Variants in CLSTN2 observed in about 807,000 individuals in gnomAD.
CLSTN2 encodes calsyntenin-2.
A neutral mutation model predicts 101.2 loss-of-function variants in CLSTN2; 48 were observed. That is an observed-to-expected ratio of 0.47 (90% confidence interval 0.38 to 0.60). The LOEUF is 0.60. Ranked by LOEUF, CLSTN2 falls within the 20% of genes least tolerant of loss-of-function variation. CLSTN2 has a pLI of 0.00. For missense variants in CLSTN2, 1,160 were observed against 1,238.2 expected (o/e 0.94, Z 0.95); for synonymous variants, 481 against 463.6 (o/e 1.04, Z -0.48).
intron 2 of CLSTN2, among the ~76,000 whole-genome samples, chr3:140,231,719 A>G (rs954766317): frequency 6.6e-6 from 1 of 152,194 alleles, no homozygotes; most frequent in African/African-American, 2.4e-5. Flanking sequence ...GGACTCTAAG[A>G]TCCATTTGAG....
At chr3:140,122,210 A>C (rs1191348766) in intron 1 of CLSTN2, among the ~76,000 whole-genome samples, 1 of 152,192 alleles carries the variant, frequency 6.6e-6, no homozygotes, top group Non-Finnish European at 1.5e-5. Context: ...AGCTTTCAGC[A>C]TGCTTTTTGC....
intron 1 of CLSTN2, among the ~76,000 whole-genome samples, chr3:140,099,621 C>T (rs539188291): frequency 6.6e-6 from 1 of 152,302 alleles, no homozygotes; most frequent in Admixed American, 6.5e-5. Flanking sequence ...TTCCAAACTG[C>T]TGCTACTTTC....
At chr3:140,262,637 T>TGGTG (rs1274883150) in intron 2 of CLSTN2, among the ~76,000 whole-genome samples, 1 of 152,092 alleles carries the variant, frequency 6.6e-6, no homozygotes, top group Non-Finnish European at 1.5e-5. Flanking sequence ...TTTCAGGTGA[T>TGGTG]GGTGCAATAA....
intron 2 of CLSTN2, among the ~76,000 whole-genome samples, chr3:140,346,507 T>C (rs1481079015): frequency 6.6e-6 from 1 of 152,174 alleles, no homozygotes; most frequent in Non-Finnish European, 1.5e-5. Context: ...CAGGCAGTGT[T>C]CCCAGCAGTG....
chr3:139,985,106 T>C (rs980896849), intron 1 of CLSTN2, among the ~76,000 whole-genome samples: 18 of 152,196 alleles, frequency 1.2e-4, no homozygotes, highest in African/African-American at 4.1e-4. Context: ...ACCTGTTACA[T>C]GGTCTCCTGC....
intron 2 of CLSTN2, among the ~76,000 whole-genome samples, chr3:140,228,291 G>A (rs918544741): frequency 2.0e-5 from 3 of 152,112 alleles, no homozygotes; most frequent in African/African-American, 7.2e-5. Context: ...TCTAGGGCAG[G>A]GGCAAAATGA....
At chr3:140,541,268 T>C (rs1453878482) in intron 9 of CLSTN2, among the ~76,000 whole-genome samples, 2 of 152,248 alleles carry the variant, frequency 1.3e-5, no homozygotes, top group Non-Finnish European at 2.9e-5. Context: ...AAGTTTTAAG[T>C]GTGGCAGATA....
chr3:140,336,123 G>A (rs1460023062), intron 2 of CLSTN2, among the ~76,000 whole-genome samples: 3 of 152,194 alleles, frequency 2.0e-5, no homozygotes, highest in African/African-American at 7.2e-5. Context: ...GCAGTTATTT[G>A]TGGGTCACAT....
intron 5 of CLSTN2, among the ~76,000 whole-genome samples, chr3:140,427,219 A>ATC (rs2088579998): frequency 1.1e-5 from 1 of 90,106 alleles, no homozygotes; most frequent in Non-Finnish European, 1.9e-5. Flanking sequence ...ATATATATAT[A>ATC]TATATGTGTG....
chr3:140,180,266 T>C (rs1428291436), intron 2 of CLSTN2, among the ~76,000 whole-genome samples: 2 of 152,290 alleles, frequency 1.3e-5, no homozygotes, highest in African/African-American at 2.4e-5. Flanking sequence ...TAGCCTGGGG[T>C]TGAATCTAGA....
At chr3:140,304,186 C>G (rs2087088911) in intron 2 of CLSTN2, among the ~76,000 whole-genome samples, 2 of 152,270 alleles carry the variant, frequency 1.3e-5, no homozygotes, top group South Asian at 4.1e-4. Flanking sequence ...ATAACTGTGG[C>G]TAACCTAAAA....
Position 140,573,995 on chromosome 3 carries a change from T to A in CLSTN2, c.*7742T>A, listed in dbSNP as rs1390918761. 2 of 152,178 alleles carry A rather than the reference T, an allele frequency of 1.3e-5. No homozygotes were observed. The highest frequency in any genetic ancestry group is 4.8e-5 in the African/African-American group (2 of 41,438). The allele number at this position is 152,178 out of a possible 1,614,324, so 9.4% of individuals were successfully genotyped here. A position where few individuals can be genotyped will look rare whatever the true frequency, so the allele number is the denominator to read the frequency against. ...GAGACTAGTATAGATCTCCAACTAT[T>A]GCTGCCTCTGCTGATATGGCCACCT... On this transcript the variant is annotated 3_prime_UTR_variant, in exon 17 of 17. Coordinates refer to ENST00000458420, the MANE Select transcript of CLSTN2 (RefSeq NM_022131.3).
intron 2 of CLSTN2, among the ~76,000 whole-genome samples, chr3:140,234,485 C>G (rs753953833): frequency 1.3e-5 from 2 of 152,160 alleles, no homozygotes; most frequent in Non-Finnish European, 2.9e-5. Flanking sequence ...AAAGTAACAT[C>G]TAGCTACCAA....
Position 140,097,554 on chromosome 3 carries a change from A to G in CLSTN2, c.110-78397A>G, listed in dbSNP as rs535277085. ...TGAAACATTAGGTAAAAATCACACA[A>G]ATCATTCAAATGCATACATAGTTGT... On this transcript the variant is annotated intron_variant, in intron 1 of 16. Transcript: ENST00000458420. 9.1e-4 allele frequency among the ~76,000 whole-genome samples: 139 copies of G among 152,326 alleles called. 1 individual carries two copies. The highest frequency in any genetic ancestry group is 1.5e-3 in the Non-Finnish European group (105 of 68,032).
chr3:139,952,313 T>G (rs1935308678), intron 1 of CLSTN2, among the ~76,000 whole-genome samples: 1 of 152,196 alleles, frequency 6.6e-6, no homozygotes, highest in South Asian at 2.1e-4. Flanking sequence ...GGGCTATGAA[T>G]TTTAAAAACA....
In CLSTN2 at chr3:140,567,165, GA is replaced by G. The variant is rs1369658951; in HGVS notation, c.*915del. On this transcript the variant is annotated 3_prime_UTR_variant, in exon 17 of 17. Transcript: ENST00000458420. ...CAAGCCTAGAGCCAGAAAGCAGATG[GA>G]AATGCTAATGAGGTCAAACGTAGGC... is the stretch of plus-strand genomic sequence containing the variant. 1 of 152,510 alleles carries G rather than the reference GA, an allele frequency of 6.6e-6. No individual in the cohort carries two copies. The highest frequency in any genetic ancestry group is 1.9e-4 in the East Asian group (1 of 5,198). 9.4% of individuals were successfully genotyped at this position (152,510 alleles called of 1,614,324 possible).
intron 2 of CLSTN2, among the ~76,000 whole-genome samples, chr3:140,183,618 A>G (rs2010441435): frequency 6.6e-6 from 1 of 152,182 alleles, no homozygotes; most frequent in African/African-American, 2.4e-5. Context: ...CTTCTTATAG[A>G]TGGACACTGT....
chr3:140,152,951 T>C lies in CLSTN2; in HGVS notation c.110-23000T>C, dbSNP rs2009890184. On this transcript the variant is annotated intron_variant, in intron 1 of 16. Transcript: ENST00000458420. ...AAAGTCTTTTCTTACATGCACTAAA[T>C]TTAACTCAAACATTCCTAATGGAAT... is the stretch of plus-strand genomic sequence containing the variant. 2.0e-5 allele frequency among the ~76,000 whole-genome samples: 3 copies of C among 152,208 alleles called. No homozygotes were observed. The South Asian group carries it at 6.2e-4, about 32-fold the overall frequency.
Position 140,404,659 on chromosome 3 carries a change from G to A in CLSTN2, c.530G>A (p.Ser177Asn). The A allele has an allele frequency of 6.2e-7, 1 of 1,614,224 alleles. No homozygotes were observed. The highest frequency in any genetic ancestry group is 8.5e-7 in the Non-Finnish European group (1 of 1,180,032). ...AVVTEGKIYD[S>N]ILQVEAIDED... ...GTGACGGAGGGCAAGATCTATGACA[G>A]CATTCTGCAGGTGGAGGCCATTGAC... The change falls in exon 4 of 17, where the codon AGC (serine) becomes AAC (asparagine). Residue 177 changes from serine to asparagine, a missense_variant. Transcript: ENST00000458420.
Sources: allele counts gnomAD v4.1 joint callset (sites outside exome capture counted in the v4.1 genomes callset), GRCh38; gene constraint gnomAD v4.1.1; transcripts MANE v1.5; gene names NCBI Gene and HGNC (gene_info 2026-07-23, HGNC 2026-07-21).